ZNF548: variants seen among roughly 807,000 people sequenced by gnomAD.
ZNF548 encodes zinc finger protein 548.
Under a neutral mutation model 10.2 loss-of-function variants are expected in ZNF548, and 10 were observed. The ratio of observed to expected loss-of-function variants is 0.98; its 90% confidence interval spans 0.60 to 1.66. ZNF548 has a LOEUF of 1.66. Ranked by LOEUF, ZNF548 falls within the 40% of genes most tolerant of loss-of-function variation. The pLI is 0.00. For missense variants in ZNF548, 599 were observed against 657.0 expected (o/e 0.91, Z 0.97); for synonymous variants, 217 against 223.5 (o/e 0.97, Z 0.26).
Position 57,402,988 on chromosome 19 carries a change from T to C in ZNF548, c.*3099T>C, listed in dbSNP as rs1163844503. On this transcript the variant is annotated 3_prime_UTR_variant, in exon 4 of 4. Transcript: ENST00000336128. Reference sequence around the variant, plus strand: ...TTTTAGTCACATTAAAATGCAGTTATGGCAGCATGCTGTGTTCTCTATCTG... The same window carrying C: ...TTTTAGTCACATTAAAATGCAGTTACGGCAGCATGCTGTGTTCTCTATCTG... 6.6e-6 allele frequency: 1 copy of C among 152,230 alleles called. No homozygotes were observed. Among genetic ancestry groups the C allele is most frequent in the African/African-American group, 2.4e-5 (1 of 41,446 alleles). 9.4% of individuals were successfully genotyped at this position (152,230 alleles called of 1,614,324 possible). A position where few individuals can be genotyped will look rare whatever the true frequency, so the allele number is the denominator to read the frequency against.
At chr19:57,390,190 TCAGGCCCCTTGTCCCGAA>T in intron 1 of ZNF548, 76 bp downstream of exon 1, 1 of 1,523,856 alleles carries the variant, frequency 6.6e-7, no homozygotes, top group Non-Finnish European at 8.9e-7. Flanking sequence ...GCCCTGCAGG[TCAGGCCCCTTGTCCCGAA>T]GAGAGGGGCG....
chr19:57,390,335 T>A, intron 1 of ZNF548: 1 of 432,902 alleles, frequency 2.3e-6, no homozygotes. Flanking sequence ...GCGTCAGGGG[T>A]GTGTGTTGTT....
At chr19:57,394,920 T>G (rs1004149741) in intron 2 of ZNF548, among the ~76,000 whole-genome samples, 7 of 152,074 alleles carry the variant, frequency 4.6e-5, no homozygotes, top group Non-Finnish European at 1.0e-4. Flanking sequence ...CTCCATCAGC[T>G]AAGATGGGAG....
chr19:57,390,131 A>G lies in ZNF548; in HGVS notation c.15+17A>G. ...CTGACTGAGGTGGGTGTCCCGTCCC[A>G]GGCTCCCCCGCCCGACCGGTCCTCC... On this transcript the variant is annotated intron_variant, in intron 1 of 3. Coordinates refer to ENST00000336128, the MANE Select transcript of ZNF548 (RefSeq NM_001172773.2). 1 of 1,606,630 alleles carries G rather than the reference A, an allele frequency of 6.2e-7. No individual in the cohort carries two copies. The highest frequency in any genetic ancestry group is 1.1e-5 in the South Asian group (1 of 90,996).
chr19:57,394,710 G>C (rs527926119), intron 2 of ZNF548, among the ~76,000 whole-genome samples: 1 of 152,276 alleles, frequency 6.6e-6, no homozygotes, highest in East Asian at 1.9e-4. Flanking sequence ...GTGGAGGTGA[G>C]GGTAATGGAA....
rs76674422 is a variant in ZNF548, at chr19:57,398,334, G to T, written c.179-96G>T. ...TGTCCATGATGTCCCCAATCCCATG[G>T]CCTTATTTGTGTGTGTGCCTGACAC... On this transcript the variant is annotated intron_variant, in intron 3 of 3. Transcript: ENST00000336128. 4.5e-6 allele frequency: 7 copies of T among 1,554,360 alleles called. No homozygotes were observed. In the South Asian group the frequency reaches 8.7e-5, roughly 19 times the overall value.
At chr19:57,397,794 A>C (rs1241845417) in intron 3 of ZNF548, among the ~76,000 whole-genome samples, 1 of 152,156 alleles carries the variant, frequency 6.6e-6, no homozygotes, top group Admixed American at 6.5e-5. Flanking sequence ...GAATTGGGAA[A>C]AGGGTTGATG....
Position 57,393,700 on chromosome 19 carries a change from A to AGAGGGGAGGGGAGGGGAGGGCAGG in ZNF548, c.16-487_16-486insAGGGGAGGGGAGGGGAGGGCAGGG, listed in dbSNP as rs2088644161. ...GAGAGGGGAGGGGAGGGGAGGGCAG[A>AGAGGGGAGGGGAGGGGAGGGCAGG]GGAGGGGAGGGGGGAGGGCAGGGGA... On this transcript the variant is annotated intron_variant, in intron 1 of 3. Transcript: ENST00000336128. 2.6e-5 allele frequency among the ~76,000 whole-genome samples: 2 copies of AGAGGGGAGGGGAGGGGAGGGCAGG among 76,880 alleles called. 1 individual carries two copies. Among genetic ancestry groups the AGAGGGGAGGGGAGGGGAGGGCAGG allele is most frequent in the Non-Finnish European group, 4.9e-5 (2 of 41,178 alleles). 50.4% of individuals were successfully genotyped at this position (76,880 alleles called of 152,430 possible).
intron 1 of ZNF548, among the ~76,000 whole-genome samples, chr19:57,391,297 C>CTTTTTTTTT (rs35713836): frequency 1.4e-5 from 2 of 140,614 alleles, no homozygotes; most frequent in Non-Finnish European, 1.5e-5. Context: ...TAGTTTCATG[C>CTTTTTTTTT]TTTTTTTTTT....
intron 1 of ZNF548, among the ~76,000 whole-genome samples, chr19:57,391,262 T>C (rs2088622358): frequency 6.6e-6 from 1 of 151,600 alleles, no homozygotes; most frequent in South Asian, 2.1e-4. Flanking sequence ...GGCCTCCAGT[T>C]CCATCCACAT....
At position 57,390,047 on chromosome 19, in the gene ZNF548, C is replaced by A; in HGVS notation, c.-53C>A. The A allele has an allele frequency of 1.2e-6, 2 of 1,602,098 alleles. No homozygotes were observed. Among genetic ancestry groups the A allele is most frequent in the South Asian group, 2.2e-5 (2 of 90,386 alleles). ...GGGGACAGTGGCGTCCTTGTCTTGC[C>A]TTTGTCGCTCCCGCCCCGCTCTTCC... On this transcript the variant is annotated 5_prime_UTR_variant, in exon 1 of 4. Coordinates refer to ENST00000336128, the MANE Select transcript of ZNF548 (RefSeq NM_001172773.2).
Position 57,398,650 on chromosome 19 carries a change from C to A in ZNF548, c.399C>A (p.His133Gln), listed in dbSNP as rs769296518. The change falls in exon 4 of 4, where the codon CAC becomes CAA. Residue 133 changes from histidine (H) to glutamine (Q), a missense_variant. His to Gln is a conservative substitution (Grantham distance 24). Coordinates refer to ENST00000336128, the MANE Select transcript of ZNF548 (RefSeq NM_001172773.2). ...IYICEAELFQ[H>Q]PKQQIGENLS... ...TTTGTGAGGCAGAGCTTTTTCAGCA[C>A]CCAAAGCAGCAAATTGGAGAAAATC... 29 of 1,613,898 alleles carry A rather than the reference C, an allele frequency of 1.8e-5. No individual in the cohort carries two copies. The highest frequency in any genetic ancestry group is 2.7e-5 in the African/African-American group (2 of 74,928).
Position 57,399,549 on chromosome 19 carries a change from A to G in ZNF548, c.1298A>G (p.Tyr433Cys). 6.2e-7 allele frequency: 1 copy of G among 1,614,224 alleles called. No individual in the cohort carries two copies. Among genetic ancestry groups the G allele is most frequent in the South Asian group, 1.1e-5 (1 of 91,090 alleles). ...HQRVHTGERPYECSECGKFFR... is the reference protein window; with the variant it reads ...HQRVHTGERPCECSECGKFFR... ...AGAGTCCACACGGGAGAAAGGCCTT[A>G]TGAGTGCAGCGAATGCGGGAAATTC... The change falls in exon 4 of 4, where the codon TAT becomes TGT. Residue 433 changes from tyrosine to cysteine, a missense_variant. Transcript: ENST00000336128. The surrounding 1 kb of genome is among the most constrained non-coding windows in gnomAD (Gnocchi z 4.0).
rs372958478 is a variant in ZNF548, at chr19:57,399,533, A to G, written c.1282A>G (p.Thr428Ala). The change falls in exon 4 of 4, where the codon ACG (threonine) becomes GCG (alanine). Residue 428 changes from threonine to alanine, a missense_variant. Physicochemically the swap from Thr to Ala is moderately conservative, Grantham distance 58. Transcript: ENST00000336128. This position sits in a 1 kb window ranked among gnomAD's most constrained non-coding sequence, Gnocchi z 4.0. ...GCTCATTAGACACCAGAGAGTCCAC[A>G]CGGGAGAAAGGCCTTATGAGTGCAG... ...CRLIRHQRVHTGERPYECSEC... is the reference protein window; with the variant it reads ...CRLIRHQRVHAGERPYECSEC... 8.7e-6 allele frequency: 14 copies of G among 1,614,080 alleles called. No individual in the cohort carries two copies. The highest frequency in any genetic ancestry group is 1.7e-5 in the Admixed American group (1 of 60,008).
In ZNF548 at chr19:57,399,774, A is replaced by G. The variant is rs754819218; in HGVS notation, c.1523A>G (p.Gln508Arg). 1.2e-6 allele frequency: 2 copies of G among 1,614,146 alleles called. No individual in the cohort carries two copies. The highest frequency in any genetic ancestry group is 3.3e-5 in the Admixed American group (2 of 60,032). ...FIRKSHLVHH[Q>R]KIHSEERLVC... ...AGAAAGTCTCACCTGGTTCATCACC[A>G]GAAAATCCACAGTGAAGAGAGGCTT... The change falls in exon 4 of 4, where the codon CAG becomes CGG. Residue 508 changes from glutamine (Q) to arginine (R), a missense_variant. Gln to Arg is a conservative substitution (Grantham distance 43). Transcript: ENST00000336128. The surrounding 1 kb of genome is among the most constrained non-coding windows in gnomAD (Gnocchi z 4.0).
In ZNF548 at chr19:57,401,399, TAATA is replaced by T. The variant is rs2088715455; in HGVS notation, c.*1515_*1518del. 1 of 152,222 alleles carries T rather than the reference TAATA, an allele frequency of 6.6e-6. No individual in the cohort carries two copies. Among genetic ancestry groups the T allele is most frequent in the African/African-American group, 2.4e-5 (1 of 41,456 alleles). The allele number at this position is 152,222 out of a possible 1,614,324, so 9.4% of individuals were successfully genotyped here. The stretch of plus-strand genomic sequence containing the variant: ...TCATTATTCCCTAAACTATATAGTA[TAATA>T]AATATTTACATAGCATTTACATTGT... On this transcript the variant is annotated 3_prime_UTR_variant, in exon 4 of 4. Coordinates refer to ENST00000336128, the MANE Select transcript of ZNF548 (RefSeq NM_001172773.2).
chr19:57,399,345 T>C lies in ZNF548; in HGVS notation c.1094T>C (p.Ile365Thr), dbSNP rs1214549404. ...TTTTTTAGGTATATCTCCACACTCA[T>C]TAGACATCAGAGAATTCACACTGGA... is the stretch of plus-strand genomic sequence containing the variant. ...GKFFRYISTLIRHQRIHTGER... is the reference protein window; with the variant it reads ...GKFFRYISTLTRHQRIHTGER... Residue 365 changes from isoleucine to threonine, a missense_variant, in exon 4 of 4, where the codon ATT becomes ACT. Coordinates refer to ENST00000336128, the MANE Select transcript of ZNF548 (RefSeq NM_001172773.2). The surrounding 1 kb of genome is among the most constrained non-coding windows in gnomAD (Gnocchi z 4.0). The C allele has an allele frequency of 6.2e-7, 1 of 1,614,156 alleles. No homozygotes were observed. The highest frequency in any genetic ancestry group is 2.2e-5 in the East Asian group (1 of 44,886).
rs2088610305 is a variant in ZNF548, at chr19:57,389,954, C to G, written c.-146C>G. On this transcript the variant is annotated 5_prime_UTR_variant, in exon 1 of 4. Coordinates refer to ENST00000336128, the MANE Select transcript of ZNF548 (RefSeq NM_001172773.2). Reference sequence around the variant, plus strand: ...GTCTGACGTCACCGAAGTGACGGAACGGAAAAGCGCGAGAAGCGGCTCGGT... The same window carrying G: ...GTCTGACGTCACCGAAGTGACGGAAGGGAAAAGCGCGAGAAGCGGCTCGGT... 1.9e-6 allele frequency: 2 copies of G among 1,050,230 alleles called. No individual in the cohort carries two copies. The highest frequency in any genetic ancestry group is 5.1e-5 in the Admixed American group (2 of 39,112). The allele number at this position is 1,050,230 out of a possible 1,614,324, so 65.1% of individuals were successfully genotyped here.
Position 57,389,967 on chromosome 19 carries a change from G to A in ZNF548, c.-133G>A, listed in dbSNP as rs2088610488. ...GAAGTGACGGAACGGAAAAGCGCGA[G>A]AAGCGGCTCGGTTCCCACCACGGAG... On this transcript the variant is annotated 5_prime_UTR_variant, in exon 1 of 4. Coordinates refer to ENST00000336128, the MANE Select transcript of ZNF548 (RefSeq NM_001172773.2). 2.6e-6 allele frequency: 3 copies of A among 1,176,280 alleles called. No homozygotes were observed. Among genetic ancestry groups the A allele is most frequent in the South Asian group, 1.7e-5 (1 of 60,176 alleles). 72.9% of individuals were successfully genotyped at this position (1,176,280 alleles called of 1,614,324 possible). A position where few individuals can be genotyped will look rare whatever the true frequency, so the allele number is the denominator to read the frequency against.
Sources: allele counts gnomAD v4.1 joint callset (sites outside exome capture counted in the v4.1 genomes callset), GRCh38; gene constraint gnomAD v4.1.1; non-coding constraint Gnocchi (gnomAD v3.1); transcripts MANE v1.5; gene names NCBI Gene and HGNC (gene_info 2026-07-23, HGNC 2026-07-21).